Variants in C7 observed in about 807,000 individuals in gnomAD.
The protein encoded by C7 is complement component C7.
In C7, 83 loss-of-function variants were observed where a neutral mutation model predicts 104.8. The ratio of observed to expected loss-of-function variants is 0.79; its 90% confidence interval spans 0.66 to 0.95. The LOEUF (loss-of-function observed/expected upper bound fraction) is 0.95, where lower values mean the gene tolerates loss of function less well. Among genes scored for constraint, C7 ranks in the 40% least tolerant of loss-of-function variants. The pLI is 0.00. For missense variants in C7, 1,070 were observed against 1,011.2 expected (o/e 1.06, Z -0.79); for synonymous variants, 415 against 360.6 (o/e 1.15, Z -1.71).
At chr5:40,940,108 G>A (rs1739904328) in intron 6 of C7, among the ~76,000 whole-genome samples, 1 of 152,262 alleles carries the variant, frequency 6.6e-6, no homozygotes, top group South Asian at 2.1e-4. Flanking sequence ...AATTCATCTC[G>A]GGCCCACTGG....
At position 40,916,212 on chromosome 5, in the gene C7, A is replaced by G. The variant is rs112135711; in HGVS notation, c.6+6596A>G. Among the ~76,000 whole-genome samples, 1,131 of 152,338 alleles carry G rather than the reference A, an allele frequency of 7.4e-3. 18 individuals carry two copies. Among genetic ancestry groups the G allele is most frequent in the African/African-American group, 0.026 (1,086 of 41,570 alleles). ...CTTTCTAGATTTTGTTTTTCAATGC[A>G]CATTTGATTTTTCAAACAAAATGTA... On this transcript the variant is annotated intron_variant, in intron 1 of 17. Transcript: ENST00000313164.
chr5:40,909,702 G>C, intron 1 of C7, 86 bp downstream of exon 1: 1 of 934,424 alleles, frequency 1.1e-6, no homozygotes. Flanking sequence ...AAACGAAGAG[G>C]TGTAATACCT....
Position 40,981,405 on chromosome 5 carries a change from A to C in C7, c.2364A>C (p.Lys788Asn). The change falls in exon 18 of 18, where the codon AAA (lysine) becomes AAC (asparagine). Residue 788 changes from lysine (K) to asparagine (N), a missense_variant. Coordinates refer to ENST00000313164, the MANE Select transcript of C7 (RefSeq NM_000587.4). ...TTACTTTTCCAGCTGAGAGCAGCAA[A>C]TGTGTCTGCCGAGAAGCATCGGAGT... The part of the protein sequence containing the change: ...LWGKCDAESS[K>N]CVCREASECE... 1 of 1,612,058 alleles carries C rather than the reference A, an allele frequency of 6.2e-7. No individual in the cohort carries two copies. The highest frequency in any genetic ancestry group is 2.2e-5 in the East Asian group (1 of 44,834).
chr5:40,935,095 C>A (rs1739785045), intron 4 of C7, among the ~76,000 whole-genome samples: 2 of 152,086 alleles, frequency 1.3e-5, no homozygotes, highest in African/African-American at 4.8e-5. Context: ...ATAAATAATC[C>A]CTGTGTTAGA....
intron 9 of C7, 136 bp from the exon 10 acceptor site, chr5:40,955,251 C>A: frequency 2.8e-6 from 2 of 724,574 alleles, no homozygotes; most frequent in South Asian, 1.9e-5. Flanking sequence ...GCCTATTCAT[C>A]CCTCCCTTCT....
chr5:40,949,872 T>C (rs1258598139), intron 8 of C7, 32 bp from the exon 9 acceptor site: 12 of 1,346,702 alleles, frequency 8.9e-6, no homozygotes, highest in African/African-American at 1.4e-5. Context: ...ATGCAGAAAT[T>C]AAACATGTCT....
intron 14 of C7, among the ~76,000 whole-genome samples, chr5:40,968,590 ATATATATATATTTTTTTTTTTTTTTTTT>A: frequency 2.3e-5 from 1 of 43,862 alleles, no homozygotes; most frequent in East Asian, 7.9e-4. Context: ...ATATATATAT[ATATATATATATTTTTTTTTTTTTTTTTT>A]TTTTTTTTTT....
intron 2 of C7, among the ~76,000 whole-genome samples, chr5:40,930,456 T>A (rs1739658171): frequency 6.6e-6 from 1 of 151,960 alleles, no homozygotes; most frequent in Non-Finnish European, 1.5e-5. Flanking sequence ...TCTGCACTCC[T>A]CGGACTCCCA....
In C7 at chr5:40,930,999, A is replaced by G; in HGVS notation, c.63-65A>G. On this transcript the variant is annotated intron_variant, in intron 2 of 17. Coordinates refer to ENST00000313164, the MANE Select transcript of C7 (RefSeq NM_000587.4). ...TTAACTATTTTTGACTGTTTTCACT[A>G]TTCTTTGTGTTCCCTTGCGTATCTT... 4 of 1,102,510 alleles carry G rather than the reference A, an allele frequency of 3.6e-6. No homozygotes were observed. In the South Asian group the frequency reaches 5.2e-5, roughly 14 times the overall value. The allele number at this position is 1,102,510 out of a possible 1,614,324, so 68.3% of individuals were successfully genotyped here. A position where few individuals can be genotyped will look rare whatever the true frequency, so the allele number is the denominator to read the frequency against.
intron 14 of C7, among the ~76,000 whole-genome samples, chr5:40,965,648 A>ATATATATATT (rs35802990): frequency 1.3e-4 from 17 of 130,308 alleles, no homozygotes; most frequent in African/African-American, 4.5e-4. Context: ...ATATATATAT[A>ATATATATATT]TTTTTTTTTT....
rs929350985 is a variant in C7, at chr5:40,983,021, C to T, written c.*1448C>T. 1.3e-5 allele frequency: 2 copies of T among 152,328 alleles called. No homozygotes were observed. Among genetic ancestry groups the T allele is most frequent in the African/African-American group, 4.8e-5 (2 of 41,450 alleles). The allele number at this position is 152,328 out of a possible 1,614,324, so 9.4% of individuals were successfully genotyped here. On this transcript the variant is annotated 3_prime_UTR_variant, in exon 18 of 18. Coordinates refer to ENST00000313164, the MANE Select transcript of C7 (RefSeq NM_000587.4). ...TGTGTTCTTGCCTGAAGTTTTATGT[C>T]TGATCCAGATCTAGCTTTTTGTATC...
chr5:40,953,966 A>C (rs1740232930), intron 9 of C7, among the ~76,000 whole-genome samples: 1 of 54,028 alleles, frequency 1.9e-5, no homozygotes, highest in Admixed American at 2.2e-4. Context: ...ATGAAATTGC[A>C]AAATTTGGAC....
Position 40,929,626 on chromosome 5 carries a change from T to C in C7, c.62+991T>C, listed in dbSNP as rs565733767. The stretch of plus-strand genomic sequence containing the variant: ...GGAATCCAGAAATCAGGAATACTAG[T>C]TCTTTTATTCTTCGTAGAGCATCAT... On this transcript the variant is annotated intron_variant, in intron 2 of 17. Coordinates refer to ENST00000313164, the MANE Select transcript of C7 (RefSeq NM_000587.4). Among the ~76,000 whole-genome samples the C allele has an allele frequency of 9.2e-5, 14 of 152,266 alleles. No individual in the cohort carries two copies. The South Asian group carries it at 2.9e-3, about 32-fold the overall frequency.
chr5:40,941,643 G>A (rs1038460815), intron 6 of C7, among the ~76,000 whole-genome samples: 7 of 152,090 alleles, frequency 4.6e-5, no homozygotes, highest in Admixed American at 3.9e-4. Flanking sequence ...ACATAAGAGC[G>A]GCCTGAGAAA....
At chr5:40,926,280 G>A (rs949681256) in intron 1 of C7, among the ~76,000 whole-genome samples, 1 of 152,192 alleles carries the variant, frequency 6.6e-6, no homozygotes, top group Non-Finnish European at 1.5e-5. Flanking sequence ...TGCCACATAT[G>A]AGAAGCCCAC....
At chr5:40,958,809 G>A (rs1740358157) in intron 11 of C7, among the ~76,000 whole-genome samples, 1 of 152,098 alleles carries the variant, frequency 6.6e-6, no homozygotes, top group African/African-American at 2.4e-5. Context: ...CTATATTTAT[G>A]TACATGTCTG....
rs2111579766 is a variant in C7 at position 40,931,057 on chromosome 5, G to T, written c.63-7G>T. On this transcript the variant is annotated splice_polypyrimidine_tract_variant and splice_region_variant and intron_variant, in intron 2 of 17. Transcript: ENST00000313164. ...GCTTTATGATGGACAATTTGACACT[G>T]TGGCAGTGCCTCCTCTCCAGTCAAC... 2 of 1,601,890 alleles carry T rather than the reference G, an allele frequency of 1.2e-6. No homozygotes were observed. Among genetic ancestry groups the T allele is most frequent in the Non-Finnish European group, 1.7e-6 (2 of 1,169,110 alleles).
chr5:40,917,763 C>T (rs551458843), intron 1 of C7, among the ~76,000 whole-genome samples: 6 of 152,248 alleles, frequency 3.9e-5, no homozygotes, highest in East Asian at 1.9e-4. Flanking sequence ...CTCCATGGTT[C>T]TTTCACTTTT....
At chr5:40,974,162 T>A (rs1740763157) in intron 15 of C7, among the ~76,000 whole-genome samples, 1 of 152,300 alleles carries the variant, frequency 6.6e-6, no homozygotes, top group South Asian at 2.1e-4. Context: ...ACATTTTTTT[T>A]CATCTTTCCA....
Sources: allele counts gnomAD v4.1 joint callset (sites outside exome capture counted in the v4.1 genomes callset), GRCh38; gene constraint gnomAD v4.1.1; transcripts MANE v1.5; gene names NCBI Gene and HGNC (gene_info 2026-07-23, HGNC 2026-07-21).